The following FCHO1 variants were observed in gnomAD, a reference collection of about 807,000 sequenced individuals.
The protein encoded by FCHO1 is FCH and mu domain containing endocytic adaptor 1, also known as F-BAR domain only protein 1.
In FCHO1, 45 loss-of-function variants were observed where a neutral mutation model predicts 114.4. The ratio of observed to expected loss-of-function variants is 0.39; its 90% CI spans 0.31 to 0.50. FCHO1 has a LOEUF of 0.50. FCHO1 is among the 20% of genes least tolerant of loss of function. The pLI is 0.77. For missense variants in FCHO1, 1,042 were observed against 1,209.6 expected (o/e 0.86, Z 2.06); for synonymous variants, 480 against 488.9 (o/e 0.98, Z 0.24).
chr19:17,755,307 G>T lies in FCHO1; in HGVS notation c.27+116G>T, dbSNP rs1599540269. 8.5e-6 allele frequency: 8 copies of T among 941,894 alleles called. No individual in the cohort carries two copies. In the East Asian group the frequency reaches 1.8e-4, roughly 21 times the overall value. 58.3% of individuals were successfully genotyped at this position (941,894 alleles called of 1,614,324 possible). A position where few individuals can be genotyped will look rare whatever the true frequency, so the allele number is the denominator to read the frequency against. On this transcript the variant is annotated intron_variant, in intron 4 of 28. Transcript: ENST00000596536. ...CCTTGGACAGGTAGAGGATCTGCAA[G>T]GGATGGAAGTTAAAGTGGGAAGAGT... is the stretch of plus-strand genomic sequence containing the variant.
Position 17,778,891 on chromosome 19 carries a change from C to G in FCHO1, c.1627+7C>G. The stretch of plus-strand genomic sequence containing the variant: ...GAGGCCTTGGCCGGAGGAGGTGAGT[C>G]CAGCGGGCCTGGGCCTGAGAGTTGC... On this transcript the variant is annotated splice_region_variant and intron_variant, in intron 20 of 28. Coordinates refer to ENST00000596536, the MANE Select transcript of FCHO1 (RefSeq NM_015122.3). 7 of 1,546,084 alleles carry G rather than the reference C, an allele frequency of 4.5e-6. No individual in the cohort carries two copies. Among genetic ancestry groups the G allele is most frequent in the Non-Finnish European group, 5.2e-6 (6 of 1,154,398 alleles).
chr19:17,768,359 C>T (rs994909658), intron 7 of FCHO1, among the ~76,000 whole-genome samples: 1 of 151,916 alleles, frequency 6.6e-6, no homozygotes, highest in Non-Finnish European at 1.5e-5. Context: ...TGTGAGCCAC[C>T]GCGCCTGGCT....
rs2147137865 is a variant in FCHO1, at chr19:17,776,439, T to C, written c.1207+168T>C. Among the ~76,000 whole-genome samples, 1 of 152,230 alleles carries C rather than the reference T, an allele frequency of 6.6e-6. No individual in the cohort carries two copies. The highest frequency in any genetic ancestry group is 1.5e-5 in the Non-Finnish European group (1 of 68,004). ...GGTCATTATGAAATTAAGTGAGAGC[T>C]GAAAGGGGTAGCTGGGGCCAGGAGA... is the stretch of plus-strand genomic sequence containing the variant. On this transcript the variant is annotated intron_variant, in intron 17 of 28. Coordinates refer to ENST00000596536, the MANE Select transcript of FCHO1 (RefSeq NM_015122.3). The surrounding 1 kb of genome is among the most constrained non-coding windows in gnomAD (Gnocchi z 4.4).
intron 20 of FCHO1, among the ~76,000 whole-genome samples, chr19:17,779,404 G>A (rs1430646101): frequency 6.6e-6 from 1 of 151,890 alleles, no homozygotes; most frequent in African/African-American, 2.4e-5. Flanking sequence ...CCCTCTGGCA[G>A]CTTCGGGAGT....
Position 17,786,616 on chromosome 19 carries a change from G to A in FCHO1, c.2469G>A (p.Val823=), listed in dbSNP as rs1366160833. The A allele has an allele frequency of 2.4e-5, 38 of 1,604,780 alleles. No individual in the cohort carries two copies. Among genetic ancestry groups the A allele is most frequent in the African/African-American group, 4.1e-5 (3 of 73,704 alleles). Residue 823 remains valine, a synonymous_variant, in exon 27 of 29, where the codon GTG becomes GTA. Coordinates refer to ENST00000596536, the MANE Select transcript of FCHO1 (RefSeq NM_015122.3). The part of the protein sequence containing the change: ...EKRLTWRLPD[V]SEAGGSGRLS... Reference sequence around the variant, plus strand: ...GGCTCACTTGGAGGCTTCCAGATGTGTCCGAGGCAGGCGGTGAGCTGTGGT... The same window carrying A: ...GGCTCACTTGGAGGCTTCCAGATGTATCCGAGGCAGGCGGTGAGCTGTGGT...
chr19:17,771,620 G>T (rs1440851975), intron 9 of FCHO1, among the ~76,000 whole-genome samples: 1 of 151,722 alleles, frequency 6.6e-6, no homozygotes, highest in Non-Finnish European at 1.5e-5. Context: ...AGTGAGCCGA[G>T]ATTGCGCCAC....
At chr19:17,754,479 C>G (rs1376957773) in intron 2 of FCHO1, 113 bp from the exon 3 acceptor site, 1 of 153,698 alleles carries the variant, frequency 6.5e-6, no homozygotes, top group African/African-American at 2.4e-5. Flanking sequence ...GAGGACTGTC[C>G]TAGAGGAATC....
At position 17,769,049 on chromosome 19, in the gene FCHO1, G is replaced by A. The variant is rs192389858; in HGVS notation, c.337-1376G>A. 4.6e-3 allele frequency among the ~76,000 whole-genome samples: 704 copies of A among 151,992 alleles called. 5 individuals are homozygous for A. Among genetic ancestry groups the A allele is most frequent in the Middle Eastern group, 0.014 (4 of 294 alleles). On this transcript the variant is annotated intron_variant, in intron 7 of 28. Transcript: ENST00000596536. Reference sequence around the variant, plus strand: ...CCAGCACTTTGGGAGGCTGAGGCGGGCAGATCACCTGAAGTCGGGAGTTCA... The same window carrying A: ...CCAGCACTTTGGGAGGCTGAGGCGGACAGATCACCTGAAGTCGGGAGTTCA...
chr19:17,759,448 C>T (rs2085195414), intron 4 of FCHO1, among the ~76,000 whole-genome samples: 1 of 151,256 alleles, frequency 6.6e-6, no homozygotes, highest in African/African-American at 2.4e-5. Context: ...GTCTTGAACT[C>T]TTGACCTCGA....
At position 17,786,619 on chromosome 19, in the gene FCHO1, C is replaced by G; in HGVS notation, c.2472C>G (p.Ser824=). 1 of 1,327,836 alleles carries G rather than the reference C, an allele frequency of 7.5e-7. No individual in the cohort carries two copies. The highest frequency in any genetic ancestry group is 9.9e-7 in the Non-Finnish European group (1 of 1,009,214). The allele number at this position is 1,327,836 out of a possible 1,614,324, so 82.3% of individuals were successfully genotyped here. ...KRLTWRLPDV[S]EAGGSGRLSA... Reference sequence around the variant, plus strand: ...TCACTTGGAGGCTTCCAGATGTGTCCGAGGCAGGCGGTGAGCTGTGGTTGT... The same window carrying G: ...TCACTTGGAGGCTTCCAGATGTGTCGGAGGCAGGCGGTGAGCTGTGGTTGT... The change falls in exon 27 of 29, where the codon TCC becomes TCG. Residue 824 remains serine (S), a synonymous_variant. Coordinates refer to ENST00000596536, the MANE Select transcript of FCHO1 (RefSeq NM_015122.3).
chr19:17,777,715 A>G (rs2092823583), intron 18 of FCHO1, among the ~76,000 whole-genome samples: 1 of 152,090 alleles, frequency 6.6e-6, no homozygotes, highest in Non-Finnish European at 1.5e-5. Flanking sequence ...AGGAGCTAGG[A>G]GGTGACTGTG....
chr19:17,762,537 C>A (rs571644596), intron 4 of FCHO1, among the ~76,000 whole-genome samples: 1 of 152,174 alleles, frequency 6.6e-6, no homozygotes, highest in Admixed American at 6.6e-5. Flanking sequence ...TCCCCAGCAA[C>A]TATAGGACAA....
At chr19:17,786,497 G>A in intron 26 of FCHO1, 77 bp from the exon 27 acceptor site, 3 of 1,475,038 alleles carry the variant, frequency 2.0e-6, no homozygotes. Context: ...CACACAGCCA[G>A]GAGGCAGCTG....
chr19:17,780,734 AGGTGGGAGGGGAGGTT>A (rs1242119725), intron 20 of FCHO1, among the ~76,000 whole-genome samples: 2 of 151,492 alleles, frequency 1.3e-5, no homozygotes, highest in Non-Finnish European at 2.9e-5. Context: ...GAGGGGAGGT[AGGTGGGAGGGGAGGTT>A]GGCAAGCAAG....
Position 17,781,635 on chromosome 19 carries a change from C to T in FCHO1, c.1829-77C>T, listed in dbSNP as rs10415070. 6,226 of 1,542,248 alleles carry T rather than the reference C, an allele frequency of 4.0e-3. 223 individuals carry two copies. The African/African-American group carries it at 0.073, about 18-fold the overall frequency. On this transcript the variant is annotated intron_variant, in intron 22 of 28. Coordinates refer to ENST00000596536, the MANE Select transcript of FCHO1 (RefSeq NM_015122.3). ...CTCTGTTGGCAGAGGTGTGGTTGGG[C>T]GGAGGGAGTCTCGAGCCTGGAGCCT...
chr19:17,758,246 G>A (rs1015977838), intron 4 of FCHO1, among the ~76,000 whole-genome samples: 5 of 151,908 alleles, frequency 3.3e-5, no homozygotes, highest in Admixed American at 6.6e-5. Context: ...TATTCCTGGC[G>A]AGCTGGAGGG....
At chr19:17,756,795 C>T (rs184145769) in intron 4 of FCHO1, among the ~76,000 whole-genome samples, 2 of 152,290 alleles carry the variant, frequency 1.3e-5, no homozygotes, top group East Asian at 1.9e-4. Context: ...AGGGATGCCC[C>T]AGTCTCATTG....
Position 17,781,452 on chromosome 19 carries a change from TCTCGTTCCCTGAGCCCCTCC to T in FCHO1, c.1743_1762del (p.Arg582ThrfsTer99). On this transcript the variant is annotated frameshift_variant and splice_region_variant, in exon 22 of 29. Transcript: ENST00000596536. LOFTEE classifies it high-confidence loss of function. The stretch of plus-strand genomic sequence containing the variant: ...CCAAGATTGTCTCTTTCCCTTCCAG[TCTCGTTCCCTGAGCCCCTCC>T]CCACTGGGCTCTTCAGCCGCCAGCA... The T allele has an allele frequency of 6.2e-7, 1 of 1,614,000 alleles. No homozygotes were observed. The highest frequency in any genetic ancestry group is 8.5e-7 in the Non-Finnish European group (1 of 1,179,960).
rs1399726501 is a variant in FCHO1 at position 17,775,491 on chromosome 19, C to G, written c.981C>G (p.Val327=). The change falls in exon 15 of 29, where the codon GTC becomes GTG. Residue 327 remains valine, a synonymous_variant. Coordinates refer to ENST00000596536, the MANE Select transcript of FCHO1 (RefSeq NM_015122.3). The surrounding 1 kb of genome is among the most constrained non-coding windows in gnomAD (Gnocchi z 5.1). ...AGGTGGATGAAGAAGGTTTCACTGT[C>G]CGGCCTGATGTGACCCAGAACAATA... ...CPEVDEEGFT[V]RPDVTQNSTA... 6.2e-7 allele frequency: 1 copy of G among 1,613,980 alleles called. No homozygotes were observed. Among genetic ancestry groups the G allele is most frequent in the Non-Finnish European group, 8.5e-7 (1 of 1,179,964 alleles).
Sources: allele counts gnomAD v4.1 joint callset (sites outside exome capture counted in the v4.1 genomes callset), GRCh38; gene constraint gnomAD v4.1.1; non-coding constraint Gnocchi (gnomAD v3.1); transcripts MANE v1.5; gene names NCBI Gene and HGNC (gene_info 2026-07-23, HGNC 2026-07-21).